AGMO: variants seen among roughly 807,000 people sequenced by gnomAD.
The protein encoded by AGMO is alkylglycerol monooxygenase.
AGMO carries 75 observed loss-of-function variants against 60.2 expected under a neutral mutation model. That is an observed-to-expected ratio of 1.25 (90% CI 1.03 to 1.51). AGMO has a LOEUF of 1.51. Among genes scored for constraint, AGMO ranks in the 40% most tolerant of loss-of-function variants. AGMO has a pLI of 0.00. For missense variants in AGMO, 763 were observed against 525.5 expected (o/e 1.45, Z -4.42); for synonymous variants, 261 against 177.1 (o/e 1.47, Z -3.76).
chr7:15,314,966 T>A (rs186480974), intron 12 of AGMO, among the ~76,000 whole-genome samples: 27 of 152,208 alleles, frequency 1.8e-4, no homozygotes, highest in African/African-American at 5.3e-4. Flanking sequence ...GGGACCCCAA[T>A]GTAAGGACCG....
chr7:15,399,405 T>C (rs1248704181), intron 5 of AGMO, among the ~76,000 whole-genome samples: 1 of 152,202 alleles, frequency 6.6e-6, no homozygotes, highest in Non-Finnish European at 1.5e-5. Context: ...TTCTTAGTTA[T>C]ATTGTGTTGT....
Position 15,246,007 on chromosome 7 carries a change from A to G in AGMO, c.1264-44648T>C, listed in dbSNP as rs568947295. Among the ~76,000 whole-genome samples the G allele has an allele frequency of 1.1e-4, 16 of 152,302 alleles. No individual in the cohort carries two copies. In the East Asian group the frequency reaches 3.1e-3, roughly 29 times the overall value. On this transcript the variant is annotated intron_variant, in intron 12 of 12. Coordinates refer to ENST00000342526, the MANE Select transcript of AGMO (RefSeq NM_001004320.2). ...CAGTACGATTAAGAGATGTCTTACC[A>G]TGGAAAATAAAAGCATTTTCCTTGA...
At chr7:15,555,609 C>T (rs1354872036) in intron 2 of AGMO, among the ~76,000 whole-genome samples, 1 of 151,844 alleles carries the variant, frequency 6.6e-6, no homozygotes, top group Non-Finnish European at 1.5e-5. Context: ...TTAATTTCTT[C>T]TTAACAGCAA....
intron 12 of AGMO, among the ~76,000 whole-genome samples, chr7:15,286,244 C>G (rs1784093950): frequency 6.6e-6 from 1 of 152,050 alleles, no homozygotes; most frequent in South Asian, 2.1e-4. Flanking sequence ...AACGAAAAAG[C>G]TTCTGCACAG....
intron 5 of AGMO, among the ~76,000 whole-genome samples, chr7:15,395,626 A>T (rs1245380153): frequency 6.6e-6 from 1 of 152,168 alleles, no homozygotes; most frequent in Non-Finnish European, 1.5e-5. Context: ...AAAAAGGACA[A>T]CTGATGCAAA....
chr7:15,356,873 C>T (rs987293062), intron 12 of AGMO, among the ~76,000 whole-genome samples: 9 of 149,784 alleles, frequency 6.0e-5, no homozygotes, highest in African/African-American at 1.7e-4. Context: ...TTTGGGAGGC[C>T]GAGACAGGCA....
In AGMO at chr7:15,548,680, C is replaced by A. The variant is rs1286364580; in HGVS notation, c.258-3757G>T. Among the ~76,000 whole-genome samples, 36 of 152,146 alleles carry A rather than the reference C, an allele frequency of 2.4e-4. 1 individual carries two copies. The highest frequency in any genetic ancestry group is 2.4e-3 in the Admixed American group (36 of 15,276). On this transcript the variant is annotated intron_variant, in intron 2 of 12. Coordinates refer to ENST00000342526, the MANE Select transcript of AGMO (RefSeq NM_001004320.2). Reference sequence around the variant, plus strand: ...ATGGGACTATGTGAAAAGACCAAATCTACGTCTGATTGGTGTGCCTGAAGG... The same window carrying A: ...ATGGGACTATGTGAAAAGACCAAATATACGTCTGATTGGTGTGCCTGAAGG...
At chr7:15,254,118 T>C (rs1783025867) in intron 12 of AGMO, among the ~76,000 whole-genome samples, 1 of 152,160 alleles carries the variant, frequency 6.6e-6, no homozygotes, top group East Asian at 1.9e-4. Flanking sequence ...TTTTATTCTT[T>C]CTTTTTTCCA....
intron 3 of AGMO, among the ~76,000 whole-genome samples, chr7:15,476,342 A>C (rs1420480500): frequency 1.3e-5 from 2 of 152,120 alleles, no homozygotes; most frequent in Non-Finnish European, 2.9e-5. Flanking sequence ...TTTTACTGAA[A>C]GTAGGGAACT....
Position 15,322,501 on chromosome 7 carries a change from TATAAATATATATATAAATATATATAA to T in AGMO, c.1263+42987_1263+43012del, listed in dbSNP as rs1563086085. Among the ~76,000 whole-genome samples, 70 of 83,788 alleles carry T rather than the reference TATAAATATATATATAAATATATATAA, an allele frequency of 8.4e-4. 2 individuals carry two copies. Among genetic ancestry groups the T allele is most frequent in the South Asian group, 3.0e-3 (7 of 2,352 alleles). The allele number at this position is 83,788 out of a possible 152,430, so 55.0% of individuals were successfully genotyped here. ...ATATATATATAAATATATATAAATA[TATAAATATATATATAAATATATATAA>T]ATATATAAATATATATATAAATATA... On this transcript the variant is annotated intron_variant, in intron 12 of 12. Coordinates refer to ENST00000342526, the MANE Select transcript of AGMO (RefSeq NM_001004320.2).
chr7:15,435,201 T>C (rs73288438), intron 3 of AGMO, among the ~76,000 whole-genome samples: 2,190 of 152,214 alleles, frequency 0.014, 41 homozygotes, highest in African/African-American at 0.049. Flanking sequence ...TCTGTGGACA[T>C]GAGTTTTTAT....
chr7:15,334,374 T>A (rs1206405770), intron 12 of AGMO, among the ~76,000 whole-genome samples: 1 of 151,968 alleles, frequency 6.6e-6, no homozygotes, highest in African/African-American at 2.4e-5. Flanking sequence ...TGCTTTCAAG[T>A]AGTCCTGTCT....
At position 15,354,742 on chromosome 7, in the gene AGMO, A is replaced by T. The variant is rs553768327; in HGVS notation, c.1263+10772T>A. On this transcript the variant is annotated intron_variant, in intron 12 of 12. Transcript: ENST00000342526. ...AAGAAATGCAAAGCTTTATTATATT[A>T]ACACAAAAATATCAAAGAGGATCTG... is the stretch of plus-strand genomic sequence containing the variant. 1.1e-3 allele frequency among the ~76,000 whole-genome samples: 165 copies of T among 151,162 alleles called. 1 individual carries two copies. The highest frequency in any genetic ancestry group is 3.6e-3 in the African/African-American group (148 of 41,374).
chr7:15,396,179 C>CA (rs1784373115), intron 5 of AGMO: 1 of 152,598 alleles, frequency 6.6e-6, no homozygotes, highest in African/African-American at 2.4e-5. Context: ...AGCCCTCCCT[C>CA]GTCCAGAAAT....
chr7:15,544,758 C>T lies in AGMO; in HGVS notation c.409+14G>A, dbSNP rs1784727611. On this transcript the variant is annotated intron_variant, in intron 3 of 12. Coordinates refer to ENST00000342526, the MANE Select transcript of AGMO (RefSeq NM_001004320.2). ...TCAACATAAGTTAACAAAAAGTCCT[C>T]ATTTGCAGCTTACCATGAGCCATAC... 1 of 1,561,734 alleles carries T rather than the reference C, an allele frequency of 6.4e-7. No individual in the cohort carries two copies.
At chr7:15,396,562 G>A (rs912392844) in intron 5 of AGMO, 8 of 152,300 alleles carry the variant, frequency 5.3e-5, no homozygotes, top group African/African-American at 9.6e-5. Flanking sequence ...CGAGGAAAAG[G>A]ACAACAGCTT....
intron 2 of AGMO, among the ~76,000 whole-genome samples, chr7:15,554,585 C>G (rs939246243): frequency 4.6e-5 from 7 of 152,024 alleles, no homozygotes; most frequent in Non-Finnish European, 1.0e-4. Flanking sequence ...TAGCTTACTT[C>G]TCTAACTAGT....
intron 12 of AGMO, among the ~76,000 whole-genome samples, chr7:15,319,406 A>C (rs1405141712): frequency 6.6e-6 from 1 of 152,092 alleles, no homozygotes; most frequent in East Asian, 1.9e-4. Flanking sequence ...GGCCCTCATA[A>C]AACAACCCTG....
intron 3 of AGMO, among the ~76,000 whole-genome samples, chr7:15,469,120 T>C (rs1782370875): frequency 6.6e-6 from 1 of 152,118 alleles, no homozygotes; most frequent in Non-Finnish European, 1.5e-5. Context: ...ATAAATTGGT[T>C]TGTGTTGATA....
Sources: gnomAD v4.1 joint callset for allele counts (sites outside exome capture counted in the v4.1 genomes callset) on GRCh38, gnomAD v4.1.1 for gene constraint, MANE v1.5 for transcripts, NCBI Gene and HGNC (gene_info 2026-07-23, HGNC 2026-07-21) for gene names.